Variants in EXOSC3 observed in about 807,000 individuals in gnomAD.
EXOSC3 encodes exosome component 3, also known as exosome complex component RRP40.
Under a neutral mutation model 25.1 loss-of-function variants are expected in EXOSC3, and 18 were observed. The ratio of observed to expected loss-of-function variants is 0.72; its 90% CI spans 0.50 to 1.06. The LOEUF is 1.06. EXOSC3 is among the 50% of genes least tolerant of loss of function. The probability of loss-of-function intolerance (pLI) is 0.00; values close to 1 mark genes in which losing one functional copy is unlikely to be tolerated. For synonymous variants in EXOSC3, 165 were observed against 132.2 expected (o/e 1.25, Z -1.70); for missense variants, 382 against 350.9 (o/e 1.09, Z -0.71).
chr9:37,781,881 G>A, intron 3 of EXOSC3, 105 bp downstream of exon 3: 1 of 1,251,546 alleles, frequency 8.0e-7, no homozygotes, highest in South Asian at 1.5e-5. Flanking sequence ...CTAACTCTGA[G>A]GAGAAATTCA....
Position 37,779,896 on chromosome 9 carries a change from TAGA to T in EXOSC3, c.*780_*782del, listed in dbSNP as rs1828526191. The T allele has an allele frequency of 6.6e-6, 1 of 152,204 alleles. No individual in the cohort carries two copies. Among genetic ancestry groups the T allele is most frequent in the African/African-American group, 2.4e-5 (1 of 41,444 alleles). The allele number at this position is 152,204 out of a possible 1,614,324, so 9.4% of individuals were successfully genotyped here. Reference sequence around the variant, plus strand: ...GTTTTGGTTAATATACTAAATAGCATAGAAGAGTTTTCTATGCTTAGCTCCTAG... The same window carrying T: ...GTTTTGGTTAATATACTAAATAGCATAGAGTTTTCTATGCTTAGCTCCTAG... On this transcript the variant is annotated 3_prime_UTR_variant, in exon 4 of 4. Transcript: ENST00000327304.
chr9:37,784,879 T>G lies in EXOSC3; in HGVS notation c.166A>C (p.Asn56His), dbSNP rs148348866. ...CGCACCCGCGAGCACGCTCTAGCAT[T>G]CAGGCTCAACGGTCGCTCCACTGCA... is the stretch of plus-strand genomic sequence containing the variant. ...GGAVERPLSL[N>H]ARACSRVRVV... Residue 56 changes from asparagine (N) to histidine (H), a missense_variant, in exon 1 of 4, where the codon AAT (asparagine) becomes CAT (histidine). Coordinates refer to ENST00000327304, the MANE Select transcript of EXOSC3 (RefSeq NM_016042.4). The G allele has an allele frequency of 4.9e-4, 792 of 1,607,202 alleles. 7 individuals carry two copies. Among genetic ancestry groups the G allele is most frequent in the South Asian group, 2.5e-3 (226 of 90,024 alleles).
intron 2 of EXOSC3, among the ~76,000 whole-genome samples, chr9:37,782,959 T>C (rs927677317): frequency 2.6e-5 from 4 of 152,178 alleles, no homozygotes; most frequent in Non-Finnish European, 5.9e-5. Flanking sequence ...GAGGTGGTCA[T>C]GTTTAGCCTA....
Position 37,780,178 on chromosome 9 carries a change from TGAG to T in EXOSC3, c.*498_*500del, listed in dbSNP as rs1477643042. The T allele has an allele frequency of 6.5e-6, 1 of 153,304 alleles. No homozygotes were observed. The highest frequency in any genetic ancestry group is 1.5e-5 in the Non-Finnish European group (1 of 68,862). The allele number at this position is 153,304 out of a possible 1,614,324, so 9.5% of individuals were successfully genotyped here. On this transcript the variant is annotated 3_prime_UTR_variant, in exon 4 of 4. Transcript: ENST00000327304. The stretch of plus-strand genomic sequence containing the variant: ...AAATTCTGTGCCTCAGTTTCAATTA[TGAG>T]GATAAGTGTCTTCTGCAGTTAGAAT...
chr9:37,780,578 T>C lies in EXOSC3; in HGVS notation c.*101A>G. 1.1e-6 allele frequency: 1 copy of C among 905,710 alleles called. No individual in the cohort carries two copies. Among genetic ancestry groups the C allele is most frequent in the Non-Finnish European group, 1.7e-6 (1 of 576,420 alleles). The allele number at this position is 905,710 out of a possible 1,614,324, so 56.1% of individuals were successfully genotyped here. A position where few individuals can be genotyped will look rare whatever the true frequency, so the allele number is the denominator to read the frequency against. ...AATACTTTCGGACTCTAATAATACATACATTCACACCTTATCTTCTGAGTA... is the reference window on the plus strand; with the variant it reads ...AATACTTTCGGACTCTAATAATACACACATTCACACCTTATCTTCTGAGTA... On this transcript the variant is annotated 3_prime_UTR_variant, in exon 4 of 4. Coordinates refer to ENST00000327304, the MANE Select transcript of EXOSC3 (RefSeq NM_016042.4).
chr9:37,783,849 T>G, intron 2 of EXOSC3, 65 bp downstream of exon 2: 1 of 1,533,164 alleles, frequency 6.5e-7, no homozygotes, highest in East Asian at 2.3e-5. Context: ...GATAGCCTTC[T>G]GGATATGTGA....
Position 37,782,048 on chromosome 9 carries a change from A to C in EXOSC3, c.564T>G (p.Asn188Lys). Residue 188 changes from asparagine (N) to lysine (K), a missense_variant, in exon 3 of 4, where the codon AAT becomes AAG. Coordinates refer to ENST00000327304, the MANE Select transcript of EXOSC3 (RefSeq NM_016042.4). ...CATCCTGTCCAATGACACCCATTCC[A>C]TTGGCTCGTCCACAGCTGTCAATAC... ...MVCIDSCGRANGMGVIGQDGL... is the reference protein window; with the variant it reads ...MVCIDSCGRAKGMGVIGQDGL... The C allele has an allele frequency of 6.2e-7, 1 of 1,614,062 alleles. No individual in the cohort carries two copies. The highest frequency in any genetic ancestry group is 8.5e-7 in the Non-Finnish European group (1 of 1,179,954).
rs140199968 is a variant in EXOSC3 at position 37,780,798 on chromosome 9, T to C, written c.709A>G (p.Ile237Val). ...TGGATGGTTTTTGCCTTAACCCATA[T>C]TCTTCCATTCATTCCAAATACTATC... ...LEIVFGMNGR[I>V]WVKAKTIQQT... Residue 237 changes from isoleucine (I) to valine (V), a missense_variant, in exon 4 of 4, where the codon ATA (isoleucine) becomes GTA (valine). Transcript: ENST00000327304. The C allele has an allele frequency of 4.5e-5, 72 of 1,613,892 alleles. No individual in the cohort carries two copies. The highest frequency in any genetic ancestry group is 3.7e-4 in the South Asian group (34 of 91,086).
In EXOSC3 at chr9:37,784,895, C is replaced by A; in HGVS notation, c.150G>T (p.Glu50Asp). ...EDAEGPGGAV[E>D]RPLSLNARAC... ...CTCTAGCATTCAGGCTCAACGGTCG[C>A]TCCACTGCACCCCCAGGGCCTTCCG... Residue 50 changes from glutamate (E) to aspartate (D), a missense_variant, in exon 1 of 4, where the codon GAG (glutamate) becomes GAT (aspartate). Glu to Asp is a conservative substitution (Grantham distance 45). Transcript: ENST00000327304. The A allele has an allele frequency of 6.2e-7, 1 of 1,606,860 alleles. No homozygotes were observed. The highest frequency in any genetic ancestry group is 1.3e-5 in the African/African-American group (1 of 74,844).
chr9:37,784,654 G>A, intron 1 of EXOSC3, 67 bp downstream of exon 1: 1 of 1,467,136 alleles, frequency 6.8e-7, no homozygotes, highest in Non-Finnish European at 9.1e-7. Context: ...CTCTTCTTTT[G>A]GGAGGTCTTC....
In EXOSC3 at chr9:37,782,089, C is replaced by G; in HGVS notation, c.523G>C (p.Glu175Gln). ...GQFVVANKDM[E>Q]PEMVCIDSCG... Reference sequence around the variant, plus strand: ...CTGTCAATACAGACCATCTCTGGTTCCATGTCTTTATTAGCAACCACAAAC... The same window carrying G: ...CTGTCAATACAGACCATCTCTGGTTGCATGTCTTTATTAGCAACCACAAAC... The change falls in exon 3 of 4, where the codon GAA (glutamate) becomes CAA (glutamine). Residue 175 changes from glutamate to glutamine, a missense_variant. Coordinates refer to ENST00000327304, the MANE Select transcript of EXOSC3 (RefSeq NM_016042.4). 1.9e-6 allele frequency: 3 copies of G among 1,614,070 alleles called. No homozygotes were observed. Among genetic ancestry groups the G allele is most frequent in the African/African-American group, 1.3e-5 (1 of 75,030 alleles).
intron 3 of EXOSC3, among the ~76,000 whole-genome samples, chr9:37,781,478 C>G (rs1368718441): frequency 6.6e-6 from 1 of 151,074 alleles, no homozygotes; most frequent in Non-Finnish European, 1.5e-5. Context: ...GTTCTAAACA[C>G]CAAAAAGAGA....
intron 3 of EXOSC3, among the ~76,000 whole-genome samples, chr9:37,781,502 T>C (rs958609743): frequency 6.6e-6 from 1 of 151,734 alleles, no homozygotes; most frequent in African/African-American, 2.4e-5. Flanking sequence ...TGCCTCAGCA[T>C]GAACCTCAGT....
rs762496779 is a variant in EXOSC3, at chr9:37,781,976, C to A, written c.626+10G>T. On this transcript the variant is annotated intron_variant, in intron 3 of 3. Transcript: ENST00000327304. ...AAAAAGCAGTCAAGCCAGCAGACAT[C>A]AGGACTTACTTTCTAATTAAGCCCA... is the stretch of plus-strand genomic sequence containing the variant. The A allele has an allele frequency of 3.7e-6, 6 of 1,611,408 alleles. No homozygotes were observed. Among genetic ancestry groups the A allele is most frequent in the Non-Finnish European group, 4.2e-6 (5 of 1,179,292 alleles).
rs1056911406 is a variant in EXOSC3 at position 37,779,738 on chromosome 9, T to G, written c.*941A>C. Reference sequence around the variant, plus strand: ...CTTGGTCTTTATCAACAAATAGAGTTCTATAATCTCTTTGATCCAAAAAGG... The same window carrying G: ...CTTGGTCTTTATCAACAAATAGAGTGCTATAATCTCTTTGATCCAAAAAGG... On this transcript the variant is annotated 3_prime_UTR_variant, in exon 4 of 4. Transcript: ENST00000327304. 1 of 152,210 alleles carries G rather than the reference T, an allele frequency of 6.6e-6. No individual in the cohort carries two copies. The highest frequency in any genetic ancestry group is 1.5e-5 in the Non-Finnish European group (1 of 68,026). 9.4% of individuals were successfully genotyped at this position (152,210 alleles called of 1,614,324 possible).
intron 3 of EXOSC3, among the ~76,000 whole-genome samples, chr9:37,781,435 C>G (rs551305698): frequency 3.3e-5 from 5 of 149,600 alleles, no homozygotes; most frequent in Non-Finnish European, 7.4e-5. Context: ...AGGAGTAAAG[C>G]CCCTGAATAT....
At position 37,780,764 on chromosome 9, in the gene EXOSC3, A is replaced by G. The variant is rs561283125; in HGVS notation, c.743T>C (p.Leu248Ser). Residue 248 changes from leucine to serine, a missense_variant, in exon 4 of 4, where the codon TTA (leucine) becomes TCA (serine). By Grantham distance (145) the Leu-to-Ser change is moderately radical (BLOSUM62 -2). Transcript: ENST00000327304. ...WVKAKTIQQT[L>S]ILANILEACE... ...AGCTTCTAAAATGTTTGCCAAAATT[A>G]AAGTCTGCTGGATGGTTTTTGCCTT... 6.2e-7 allele frequency: 1 copy of G among 1,614,032 alleles called. No individual in the cohort carries two copies. The highest frequency in any genetic ancestry group is 1.3e-5 in the African/African-American group (1 of 75,064).
rs1564013400 is a variant in EXOSC3 at position 37,780,632 on chromosome 9, AC to A, written c.*46del. The A allele has an allele frequency of 2.0e-6, 3 of 1,512,668 alleles. No homozygotes were observed. The highest frequency in any genetic ancestry group is 2.3e-5 in the East Asian group (1 of 44,350). 93.7% of individuals were successfully genotyped at this position (1,512,668 alleles called of 1,614,324 possible). On this transcript the variant is annotated 3_prime_UTR_variant, in exon 4 of 4. Transcript: ENST00000327304. ...AAATGGGGGAGGTTCACCTGAAAAAACCCATAGTTTTTTGCCTCAACTGACC... is the reference window on the plus strand; with the variant it reads ...AAATGGGGGAGGTTCACCTGAAAAAACCATAGTTTTTTGCCTCAACTGACC...
intron 2 of EXOSC3, among the ~76,000 whole-genome samples, chr9:37,782,774 CTGTT>C (rs889669963): frequency 1.3e-5 from 2 of 152,226 alleles, no homozygotes; most frequent in African/African-American, 4.8e-5. Flanking sequence ...TAAGTACCTA[CTGTT>C]TGTTGGTGAC....
Sources: gnomAD v4.1 joint callset for allele counts (sites outside exome capture counted in the v4.1 genomes callset) on GRCh38, gnomAD v4.1.1 for gene constraint, MANE v1.5 for transcripts, NCBI Gene and HGNC (gene_info 2026-07-23, HGNC 2026-07-21) for gene names.